Variants in IFFO2 observed in about 807,000 individuals in gnomAD.
IFFO2 encodes the protein intermediate filament family orphan 2.
IFFO2 carries 19 observed loss-of-function variants against 53.5 expected under a neutral mutation model. The observed-to-expected ratio is 0.36, with a 90% CI of 0.25 to 0.52. The LOEUF (loss-of-function observed/expected upper bound fraction) is 0.52, where lower values mean the gene tolerates loss of function less well. Ranked by LOEUF, IFFO2 falls within the 20% of genes least tolerant of loss-of-function variation. IFFO2 has a pLI of 0.94. For synonymous variants in IFFO2, 303 were observed against 313.6 expected (o/e 0.97, Z 0.36); for missense variants, 570 against 727.4 (o/e 0.78, Z 2.49).
Position 18,956,261 on chromosome 1 carries a change from GC to G in IFFO2, c.71del (p.Gly24AlafsTer19). 4 of 947,754 alleles carry G rather than the reference GC, an allele frequency of 4.2e-6. No individual in the cohort carries two copies. The highest frequency in any genetic ancestry group is 1.3e-6 in the Non-Finnish European group (1 of 769,132). 58.7% of individuals were successfully genotyped at this position (947,754 alleles called of 1,614,324 possible). A position where few individuals can be genotyped will look rare whatever the true frequency, so the allele number is the denominator to read the frequency against. ...CGCCGCCGCCGCCCCCGCCAGGGCA[GC>G]CCCCGCCGCCGCCGCCCGGCGGGCA... ...FGCPPGGGGG[G>X]CPGGGGGGGG... On this transcript the variant is annotated frameshift_variant, in exon 1 of 9. Coordinates refer to ENST00000455833, the MANE Select transcript of IFFO2 (RefSeq NM_001136265.2). LOFTEE classifies it high-confidence loss of function. This position sits in a 1 kb window ranked among gnomAD's most constrained non-coding sequence, Gnocchi z 6.4.
chr1:18,924,531 C>T (rs1194305465), intron 1 of IFFO2, among the ~76,000 whole-genome samples: 1 of 152,156 alleles, frequency 6.6e-6, no homozygotes. Context: ...TTGCAGACAT[C>T]GTTTCCTTTC....
chr1:18,913,170 G>A (rs372102135), intron 5 of IFFO2, among the ~76,000 whole-genome samples: 5 of 152,248 alleles, frequency 3.3e-5, no homozygotes, highest in Non-Finnish European at 7.3e-5. Context: ...GGACTGGGCC[G>A]GTCCCAAGAA....
chr1:18,910,151 T>C (rs946423529), intron 8 of IFFO2, among the ~76,000 whole-genome samples, 191 bp downstream of exon 8: 1 of 152,122 alleles, frequency 6.6e-6, no homozygotes, highest in Non-Finnish European at 1.5e-5. Context: ...AGGTTAGATA[T>C]GTAAGGCATC....
intron 1 of IFFO2, among the ~76,000 whole-genome samples, chr1:18,948,039 C>G (rs1056740859): frequency 6.6e-6 from 1 of 152,240 alleles, no homozygotes; most frequent in Non-Finnish European, 1.5e-5. Flanking sequence ...CTCTGAACCT[C>G]TCATTTGTAA....
chr1:18,916,934 T>A lies in IFFO2; in HGVS notation c.1072A>T (p.Thr358Ser). ...SDDEVGSMNI[T>S]DEMKRMFNQL... Reference sequence around the variant, plus strand: ...TTAAACATGCGCTTCATCTCATCGGTGATGTTCATGGAGCCGACCTCATCG... The same window carrying A: ...TTAAACATGCGCTTCATCTCATCGGAGATGTTCATGGAGCCGACCTCATCG... Residue 358 changes from threonine to serine, a missense_variant, in exon 5 of 9, where the codon ACC (threonine) becomes TCC (serine). By Grantham distance (58) the Thr-to-Ser change is moderately conservative. Transcript: ENST00000455833. This position sits in a 1 kb window ranked among gnomAD's most constrained non-coding sequence, Gnocchi z 4.3. 1 of 1,551,788 alleles carries A rather than the reference T, an allele frequency of 6.4e-7. No homozygotes were observed. The highest frequency in any genetic ancestry group is 8.7e-7 in the Non-Finnish European group (1 of 1,147,000).
intron 1 of IFFO2, among the ~76,000 whole-genome samples, chr1:18,932,666 G>A (rs911834747): frequency 1.3e-5 from 2 of 152,250 alleles, no homozygotes; most frequent in African/African-American, 4.8e-5. Flanking sequence ...GCTATGATTA[G>A]TCATGGAACA....
chr1:18,951,067 C>A (rs907682043), intron 1 of IFFO2, among the ~76,000 whole-genome samples: 10 of 152,190 alleles, frequency 6.6e-5, no homozygotes, highest in Admixed American at 4.6e-4. Context: ...GGCCAGCCCC[C>A]CTCTGGGCCT....
chr1:18,931,437 G>T (rs961842662), intron 1 of IFFO2, among the ~76,000 whole-genome samples: 54 of 152,050 alleles, frequency 3.6e-4, no homozygotes, highest in Admixed American at 2.7e-3. Context: ...TCCAGGCTTG[G>T]GTACCCCTTC....
rs200746091 is a variant in IFFO2, at chr1:18,912,319, T to G, written c.1104-236A>C. On this transcript the variant is annotated intron_variant, in intron 5 of 8. Coordinates refer to ENST00000455833, the MANE Select transcript of IFFO2 (RefSeq NM_001136265.2). ...CAATTAAAAATGTGTATTTTTTTTT[T>G]AATGTCAGGCTTTAATTAATTGGGA... 9.4e-3 allele frequency among the ~76,000 whole-genome samples: 1,408 copies of G among 149,470 alleles called. 24 individuals are homozygous for G. The highest frequency in any genetic ancestry group is 0.058 in the East Asian group (294 of 5,104).
chr1:18,930,778 G>A (rs1282928617), intron 1 of IFFO2, among the ~76,000 whole-genome samples: 1 of 152,204 alleles, frequency 6.6e-6, no homozygotes, highest in Non-Finnish European at 1.5e-5. Flanking sequence ...ATGCCAATCT[G>A]AGGTTTCAGT....
At chr1:18,939,939 A>G (rs1040047975) in intron 1 of IFFO2, among the ~76,000 whole-genome samples, 8 of 152,226 alleles carry the variant, frequency 5.3e-5, no homozygotes, top group African/African-American at 1.9e-4. Flanking sequence ...TAGCCCCAAG[A>G]TGAGGAAGAA....
rs1935987751 is a variant in IFFO2 at position 18,908,652 on chromosome 1, G to A, written c.1463C>T (p.Pro488Leu). The A allele has an allele frequency of 1.9e-6, 3 of 1,551,352 alleles. No individual in the cohort carries two copies. Among genetic ancestry groups the A allele is most frequent in the Non-Finnish European group, 2.6e-6 (3 of 1,146,812 alleles). Reference sequence around the variant, plus strand: ...TGAGTCGCTGCTGGCCACGGAGCTGGGGGACGGTGAATTCCTGAGAAGCAC... The same window carrying A: ...TGAGTCGCTGCTGGCCACGGAGCTGAGGGACGGTGAATTCCTGAGAAGCAC... The part of the protein sequence containing the change: ...KGSADRNSPS[P>L]SSVASSDSGS... The change falls in exon 9 of 9, where the codon CCC becomes CTC. Residue 488 changes from proline to leucine, a missense_variant. Physicochemically the swap from Pro to Leu is moderately conservative, Grantham distance 98. Transcript: ENST00000455833.
intron 1 of IFFO2, among the ~76,000 whole-genome samples, chr1:18,944,420 C>T (rs1396816829): frequency 2.6e-5 from 4 of 151,982 alleles, no homozygotes; most frequent in Non-Finnish European, 1.5e-5. Flanking sequence ...AGCCAAGCCT[C>T]CCCCCAGCCC....
intron 1 of IFFO2, among the ~76,000 whole-genome samples, chr1:18,938,374 T>A (rs987903263): frequency 6.6e-6 from 1 of 152,204 alleles, no homozygotes; most frequent in African/African-American, 2.4e-5. Context: ...GGAGGGCTGC[T>A]ACAGCGTCCA....
chr1:18,935,581 C>G (rs1371904605), intron 1 of IFFO2, among the ~76,000 whole-genome samples: 1 of 152,160 alleles, frequency 6.6e-6, no homozygotes, highest in Non-Finnish European at 1.5e-5. Flanking sequence ...ACTCCTTGGT[C>G]AGGGTCAAGT....
intron 1 of IFFO2, among the ~76,000 whole-genome samples, chr1:18,925,895 T>TTGGATGGATG (rs1936281677): frequency 8.6e-5 from 1 of 11,638 alleles, no homozygotes; most frequent in South Asian, 2.9e-3. Flanking sequence ...ATGGATGGAT[T>TTGGATGGATG]GGATGGATTG....
At chr1:18,926,054 T>TGGA (rs1936289640) in intron 1 of IFFO2, among the ~76,000 whole-genome samples, 6 of 19,080 alleles carry the variant, frequency 3.1e-4, no homozygotes, top group Non-Finnish European at 5.4e-4. Context: ...GATGGATGGA[T>TGGA]TGGTTGGATG....
Position 18,905,424 on chromosome 1 carries a change from A to C in IFFO2, c.*3137T>G, listed in dbSNP as rs1935933016. The stretch of plus-strand genomic sequence containing the variant: ...GATTAAAAAACCCTTCCTTTCATAA[A>C]AATAGATGAGAGTCTCTTGCTTTAT... On this transcript the variant is annotated 3_prime_UTR_variant, in exon 9 of 9. Coordinates refer to ENST00000455833, the MANE Select transcript of IFFO2 (RefSeq NM_001136265.2). 1 of 151,972 alleles carries C rather than the reference A, an allele frequency of 6.6e-6. No homozygotes were observed. Among genetic ancestry groups the C allele is most frequent in the African/African-American group, 2.4e-5 (1 of 41,340 alleles). 9.4% of individuals were successfully genotyped at this position (151,972 alleles called of 1,614,324 possible).
rs114454865 is a variant in IFFO2, at chr1:18,917,475, G to A, written c.964-433C>T. On this transcript the variant is annotated intron_variant, in intron 4 of 8. Transcript: ENST00000455833. The surrounding 1 kb of genome is among the most constrained non-coding windows in gnomAD (Gnocchi z 5.9). ...TCACATGCAAAGGCAAAGGACAGAC[G>A]GCCCAAGGTTCACCGAAAGCTTCCA... Among the ~76,000 whole-genome samples the A allele has an allele frequency of 6.6e-5, 10 of 152,084 alleles. No homozygotes were observed. The highest frequency in any genetic ancestry group is 1.5e-4 in the Non-Finnish European group (10 of 68,010).
Sources: allele counts gnomAD v4.1 joint callset (sites outside exome capture counted in the v4.1 genomes callset), GRCh38; gene constraint gnomAD v4.1.1; non-coding constraint Gnocchi (gnomAD v3.1); transcripts MANE v1.5; gene names NCBI Gene and HGNC (gene_info 2026-07-23, HGNC 2026-07-21).